NEO1: variants seen among roughly 807,000 people sequenced by gnomAD.
The protein encoded by NEO1 is neogenin 1.
A neutral mutation model predicts 159.7 loss-of-function variants in NEO1; 63 were observed. The ratio of observed to expected loss-of-function variants is 0.39; its 90% CI spans 0.32 to 0.49. The LOEUF (loss-of-function observed/expected upper bound fraction) is 0.49, where lower values mean the gene tolerates loss of function less well. NEO1 is among the 20% of genes least tolerant of loss of function. NEO1 has a pLI of 0.85. For missense variants in NEO1, 1,615 were observed against 1,831.0 expected (o/e 0.88, Z 2.15); for synonymous variants, 633 against 662.0 (o/e 0.96, Z 0.67).
At chr15:73,054,328 G>C (rs2067602249) in intron 1 of NEO1, among the ~76,000 whole-genome samples, 1 of 152,110 alleles carries the variant, frequency 6.6e-6, no homozygotes, top group African/African-American at 2.4e-5. Context: ...TTATTACTTA[G>C]GATAATAAAA....
intron 7 of NEO1, among the ~76,000 whole-genome samples, chr15:73,235,720 G>A (rs982972668): frequency 7.2e-5 from 11 of 152,146 alleles, no homozygotes; most frequent in South Asian, 2.1e-4. Context: ...ACCTTCCCCC[G>A]CAGGATTACC....
chr15:73,172,434 T>G (rs1412778001), intron 5 of NEO1, among the ~76,000 whole-genome samples: 1 of 152,210 alleles, frequency 6.6e-6, no homozygotes, highest in Non-Finnish European at 1.5e-5. Context: ...TTATCACACA[T>G]CAAAGATATA....
intron 5 of NEO1, among the ~76,000 whole-genome samples, chr15:73,141,782 CCT>C (rs2032410488): frequency 6.6e-6 from 1 of 152,174 alleles, no homozygotes; most frequent in South Asian, 2.1e-4. Flanking sequence ...ATTTCACTTC[CCT>C]TTACTTCATG....
intron 1 of NEO1, 94 bp from the exon 2 acceptor site, chr15:73,116,446 A>T: frequency 9.9e-7 from 1 of 1,011,264 alleles, no homozygotes; most frequent in Non-Finnish European, 1.4e-6. Context: ...AAAGAACAAC[A>T]GTTAATAATT....
chr15:73,216,155 TC>T (rs1263458899), intron 7 of NEO1, among the ~76,000 whole-genome samples: 1 of 151,508 alleles, frequency 6.6e-6, no homozygotes, highest in Non-Finnish European at 1.5e-5. Context: ...ATTGTTCAAT[TC>T]CCACCTATGA....
At chr15:73,108,591 G>GAA (rs2070808055) in intron 1 of NEO1, among the ~76,000 whole-genome samples, 1 of 105,320 alleles carries the variant, frequency 9.5e-6, no homozygotes, top group Admixed American at 1.0e-4. Context: ...GCCATGGCAA[G>GAA]ACGGGTCATT....
At chr15:73,111,368 C>T (rs1043835446) in intron 1 of NEO1, among the ~76,000 whole-genome samples, 9 of 152,026 alleles carry the variant, frequency 5.9e-5, no homozygotes, top group East Asian at 1.9e-4. Context: ...CCTGTGCAGA[C>T]GATATGTGTG....
At chr15:73,280,362 A>T (rs1156883144) in intron 22 of NEO1, among the ~76,000 whole-genome samples, 1 of 152,078 alleles carries the variant, frequency 6.6e-6, no homozygotes, top group Non-Finnish European at 1.5e-5. Flanking sequence ...CCCTGGTAGG[A>T]CTGTTCTTTG....
intron 1 of NEO1, among the ~76,000 whole-genome samples, chr15:73,100,345 T>C (rs1412001788): frequency 1.3e-5 from 2 of 151,994 alleles, no homozygotes; most frequent in African/African-American, 2.4e-5. Flanking sequence ...TATCTTTTTT[T>C]TTTTTTTGAG....
intron 7 of NEO1, among the ~76,000 whole-genome samples, chr15:73,212,258 C>G (rs1053630001): frequency 3.9e-5 from 6 of 152,140 alleles, no homozygotes; most frequent in Non-Finnish European, 8.8e-5. Flanking sequence ...AATAATTCCT[C>G]CATCCCCCAT....
intron 5 of NEO1, among the ~76,000 whole-genome samples, chr15:73,146,396 A>T (rs974132038): frequency 6.6e-6 from 1 of 152,218 alleles, no homozygotes; most frequent in Non-Finnish European, 1.5e-5. Context: ...ATAGTATGCT[A>T]TCTGTATTCA....
intron 2 of NEO1, among the ~76,000 whole-genome samples, chr15:73,120,920 A>G (rs1050915508): frequency 6.6e-6 from 1 of 152,212 alleles, no homozygotes; most frequent in Non-Finnish European, 1.5e-5. Context: ...ACCTTCACCT[A>G]GATTACCTGA....
chr15:73,123,682 C>T (rs2071804677), intron 3 of NEO1, among the ~76,000 whole-genome samples: 1 of 152,158 alleles, frequency 6.6e-6, no homozygotes, highest in South Asian at 2.1e-4. Flanking sequence ...AACTTCCTCC[C>T]AGTTGTAGCT....
chr15:73,244,202 C>A, intron 8 of NEO1, 142 bp from the exon 9 acceptor site: 1 of 834,082 alleles, frequency 1.2e-6, no homozygotes, highest in Non-Finnish European at 1.8e-6. Context: ...CTTCTTTGCA[C>A]TGTCCTACCC....
chr15:73,278,112 A>G lies in NEO1; in HGVS notation c.3194-19A>G, dbSNP rs761988944. ...CCAAATGTGTGGGGTCATTATTGAC[A>G]TGATTTCTTCTCCTTTAGCCTCAGG... On this transcript the variant is annotated intron_variant, in intron 21 of 28. Transcript: ENST00000261908. The G allele has an allele frequency of 8.1e-6, 13 of 1,606,016 alleles. No individual in the cohort carries two copies. The highest frequency in any genetic ancestry group is 8.5e-6 in the Non-Finnish European group (10 of 1,174,218).
intron 23 of NEO1, among the ~76,000 whole-genome samples, chr15:73,286,678 A>G (rs867982371): frequency 6.6e-6 from 1 of 152,198 alleles, no homozygotes; most frequent in Non-Finnish European, 1.5e-5. Flanking sequence ...AGAATTCATC[A>G]TCTTTTCAGG....
chr15:73,113,116 A>G (rs1443330721), intron 1 of NEO1, among the ~76,000 whole-genome samples: 1 of 150,744 alleles, frequency 6.6e-6, no homozygotes, highest in African/African-American at 2.4e-5. Flanking sequence ...CTTTATACAT[A>G]CTTGTAACTA....
intron 1 of NEO1, among the ~76,000 whole-genome samples, chr15:73,087,506 A>G (rs1255634354): frequency 6.6e-6 from 1 of 152,218 alleles, no homozygotes; most frequent in African/African-American, 2.4e-5. Flanking sequence ...GAGTAATGCT[A>G]GCTGCATAAA....
chr15:73,202,920 C>T (rs1015789034), intron 7 of NEO1, among the ~76,000 whole-genome samples: 1 of 152,184 alleles, frequency 6.6e-6, no homozygotes, highest in African/African-American at 2.4e-5. Context: ...ATAATATCCT[C>T]AAGGTACATC....
Sources: allele counts gnomAD v4.1 joint callset (sites outside exome capture counted in the v4.1 genomes callset), GRCh38; gene constraint gnomAD v4.1.1; transcripts MANE v1.5; gene names NCBI Gene and HGNC (gene_info 2026-07-23, HGNC 2026-07-21).